The following ARHGAP26 variants were observed in gnomAD, a reference collection of about 807,000 sequenced individuals.
ARHGAP26 encodes rho GTPase-activating protein 26.
A neutral mutation model predicts 104.8 loss-of-function variants in ARHGAP26; 38 were observed. The ratio of observed to expected loss-of-function variants is 0.36; its 90% CI spans 0.28 to 0.48. ARHGAP26 has a LOEUF of 0.48. Among genes scored for constraint, ARHGAP26 ranks in the 20% least tolerant of loss-of-function variants. The pLI is 0.99. For missense variants in ARHGAP26, 704 were observed against 947.9 expected (o/e 0.74, Z 3.38); for synonymous variants, 341 against 340.0 (o/e 1.00, Z -0.03).
chr5:143,161,597 T>C (rs979212492), intron 20 of ARHGAP26, among the ~76,000 whole-genome samples: 1 of 152,188 alleles, frequency 6.6e-6, no homozygotes, highest in Non-Finnish European at 1.5e-5. Flanking sequence ...AGTTACTCAA[T>C]AATAATTAGC....
intron 11 of ARHGAP26, among the ~76,000 whole-genome samples, chr5:142,988,016 G>A (rs1438931738): frequency 1.3e-5 from 2 of 152,236 alleles, no homozygotes; most frequent in African/African-American, 4.8e-5. Flanking sequence ...CATAAAATGA[G>A]TTAGGGAGGA....
intron 1 of ARHGAP26, among the ~76,000 whole-genome samples, chr5:142,872,307 T>C (rs1478534403): frequency 6.6e-6 from 1 of 152,194 alleles, no homozygotes; most frequent in Non-Finnish European, 1.5e-5. Flanking sequence ...TAGTAGCTTA[T>C]GTTGATCTGT....
chr5:143,195,890 A>G (rs1433165175), intron 20 of ARHGAP26, among the ~76,000 whole-genome samples: 2 of 152,114 alleles, frequency 1.3e-5, no homozygotes, highest in African/African-American at 4.8e-5. Context: ...TTAAAAGCAC[A>G]AAAACTTTGC....
chr5:142,890,173 T>A (rs1191318148), intron 5 of ARHGAP26, among the ~76,000 whole-genome samples: 1,240 of 105,760 alleles, frequency 0.012, 118 homozygotes, highest in African/African-American at 0.039. Context: ...TATATATATA[T>A]ATATATATAT....
chr5:142,774,869 G>A (rs1755985202), intron 1 of ARHGAP26, among the ~76,000 whole-genome samples: 1 of 151,976 alleles, frequency 6.6e-6, no homozygotes, highest in Non-Finnish European at 1.5e-5. Flanking sequence ...TTTTCACTTA[G>A]CAATGTGTAC....
intron 1 of ARHGAP26, among the ~76,000 whole-genome samples, chr5:142,840,628 A>T (rs182462015): frequency 2.7e-4 from 41 of 152,268 alleles, no homozygotes; most frequent in African/African-American, 9.4e-4. Context: ...GGCAAGTGGT[A>T]GTTGTCATCG....
At chr5:142,837,211 A>C (rs1026143968) in intron 1 of ARHGAP26, among the ~76,000 whole-genome samples, 1 of 152,154 alleles carries the variant, frequency 6.6e-6, no homozygotes, top group Non-Finnish European at 1.5e-5. Context: ...GTTACTTGGC[A>C]AGAGAAAACA....
chr5:143,073,938 A>G (rs1788628918), intron 17 of ARHGAP26, among the ~76,000 whole-genome samples: 1 of 152,250 alleles, frequency 6.6e-6, no homozygotes, highest in Non-Finnish European at 1.5e-5. Context: ...ATCCTTGGTT[A>G]TTCGGAAACA....
intron 19 of ARHGAP26, among the ~76,000 whole-genome samples, chr5:143,138,997 AG>A (rs1347626578): frequency 6.6e-6 from 1 of 151,962 alleles, no homozygotes; most frequent in Non-Finnish European, 1.5e-5. Context: ...GCATTCTTTT[AG>A]GGTTAGCTGT....
At chr5:143,163,671 G>A (rs567689923) in intron 20 of ARHGAP26, among the ~76,000 whole-genome samples, 1 of 151,974 alleles carries the variant, frequency 6.6e-6, no homozygotes, top group African/African-American at 2.4e-5. Context: ...GGCTGGTCTC[G>A]AACTCCTGAC....
At chr5:142,978,539 C>T (rs548270576) in intron 11 of ARHGAP26, among the ~76,000 whole-genome samples, 1 of 152,268 alleles carries the variant, frequency 6.6e-6, no homozygotes, top group South Asian at 2.1e-4. Context: ...ATTTAGGTCC[C>T]ATCCCTGACT....
chr5:142,837,844 T>C (rs955269593), intron 1 of ARHGAP26, among the ~76,000 whole-genome samples: 1 of 152,168 alleles, frequency 6.6e-6, no homozygotes, highest in Non-Finnish European at 1.5e-5. Flanking sequence ...CTCACATTGC[T>C]TCAGATGAAA....
intron 11 of ARHGAP26, among the ~76,000 whole-genome samples, chr5:142,952,476 G>A (rs185588946): frequency 6.0e-4 from 91 of 152,252 alleles, no homozygotes; most frequent in Admixed American, 2.2e-3. Context: ...CCTATGTACC[G>A]TAGTGTGTCT....
chr5:143,042,504 G>C (rs1253541196), intron 14 of ARHGAP26, among the ~76,000 whole-genome samples: 3 of 152,186 alleles, frequency 2.0e-5, no homozygotes, highest in Non-Finnish European at 4.4e-5. Context: ...AAGCCCATGA[G>C]TCCATGAGCC....
intron 20 of ARHGAP26, among the ~76,000 whole-genome samples, chr5:143,162,284 T>C (rs201365678): frequency 9.7e-4 from 143 of 147,408 alleles, no homozygotes; most frequent in South Asian, 6.2e-3. Context: ...AACACACACA[T>C]ACACACACAC....
intron 11 of ARHGAP26, among the ~76,000 whole-genome samples, chr5:143,012,689 T>C (rs1419158573): frequency 1.3e-5 from 2 of 148,934 alleles, no homozygotes; most frequent in Non-Finnish European, 3.0e-5. Flanking sequence ...AGTCTTGCTC[T>C]GTTGCCCAGG....
At chr5:143,180,036 A>G (rs1307489310) in intron 20 of ARHGAP26, among the ~76,000 whole-genome samples, 1 of 152,184 alleles carries the variant, frequency 6.6e-6, no homozygotes, top group Admixed American at 6.5e-5. Context: ...AGTTTTCTGG[A>G]CATCTCTCTG....
At chr5:143,030,441 C>T (rs928855467) in intron 12 of ARHGAP26, among the ~76,000 whole-genome samples, 1 of 152,208 alleles carries the variant, frequency 6.6e-6, no homozygotes, top group Non-Finnish European at 1.5e-5. Context: ...TTGCTTTTGT[C>T]TCCTATGTTT....
chr5:143,133,706 C>T (rs1797613266), intron 18 of ARHGAP26, among the ~76,000 whole-genome samples: 1 of 152,094 alleles, frequency 6.6e-6, no homozygotes, highest in South Asian at 2.1e-4. Flanking sequence ...AATAAAAAGA[C>T]GCTTAGTGGA....
Sources: gnomAD v4.1 joint callset for allele counts (sites outside exome capture counted in the v4.1 genomes callset) on GRCh38, gnomAD v4.1.1 for gene constraint, MANE v1.5 for transcripts, NCBI Gene and HGNC (gene_info 2026-07-23, HGNC 2026-07-21) for gene names.